MGAT4A: variants seen among roughly 807,000 people sequenced by gnomAD.
The protein encoded by MGAT4A is alpha-1,3-mannosyl-glycoprotein 4-beta-N-acetylglucosaminyltransferase A.
Under a neutral mutation model 74.1 loss-of-function variants are expected in MGAT4A, and 33 were observed. The ratio of observed to expected loss-of-function variants is 0.45; its 90% confidence interval spans 0.34 to 0.60. The LOEUF (loss-of-function observed/expected upper bound fraction) is 0.60, where lower values mean the gene tolerates loss of function less well. MGAT4A is among the 20% of genes least tolerant of loss of function. The pLI, the probability that MGAT4A is intolerant of heterozygous loss-of-function variation, is 0.02. For synonymous variants in MGAT4A, 198 were observed against 210.4 expected (o/e 0.94, Z 0.51); for missense variants, 479 against 628.3 (o/e 0.76, Z 2.54).
At chr2:98,670,774 G>A (rs1375814898) in intron 4 of MGAT4A, among the ~76,000 whole-genome samples, 1 of 151,912 alleles carries the variant, frequency 6.6e-6, no homozygotes, top group Non-Finnish European at 1.5e-5. Context: ...GAAATTAACT[G>A]CTGGAAAACC....
intron 14 of MGAT4A, among the ~76,000 whole-genome samples, chr2:98,628,415 G>T (rs1701177534): frequency 6.6e-6 from 1 of 152,094 alleles, no homozygotes; most frequent in Admixed American, 6.5e-5. Flanking sequence ...CATTACTTTG[G>T]CTGCTGCTAT....
chr2:98,645,895 GA>G (rs749491680), intron 8 of MGAT4A, among the ~76,000 whole-genome samples: 1 of 151,938 alleles, frequency 6.6e-6, no homozygotes, highest in African/African-American at 2.4e-5. Context: ...GAGGGAGGGG[GA>G]AAAAGAGAAG....
In MGAT4A at chr2:98,658,206, A is replaced by G; in HGVS notation, c.584+12T>C. The G allele has an allele frequency of 2.6e-6, 4 of 1,536,224 alleles. No homozygotes were observed. Among genetic ancestry groups the G allele is most frequent in the Middle Eastern group, 1.7e-4 (1 of 5,914 alleles). On this transcript the variant is annotated intron_variant, in intron 6 of 15. Transcript: ENST00000393487. ...CAAAATATTTGTATGTTTATAATTA[A>G]GAAGAACTTACTCTTTCTCCAGGTT...
intron 2 of MGAT4A, among the ~76,000 whole-genome samples, chr2:98,718,172 T>G (rs1702616981): frequency 6.6e-6 from 1 of 150,582 alleles, no homozygotes; most frequent in Admixed American, 6.6e-5. Context: ...TTTCAACATC[T>G]GAAATCAAGG....
At chr2:98,638,752 T>C (rs534696342) in intron 12 of MGAT4A, among the ~76,000 whole-genome samples, 1 of 152,232 alleles carries the variant, frequency 6.6e-6, no homozygotes, top group South Asian at 2.1e-4. Flanking sequence ...TTGGAATCAG[T>C]TTAGAGTAAC....
In MGAT4A at chr2:98,623,224, G is replaced by A. The variant is rs189887969; in HGVS notation, c.*2342C>T. The A allele has an allele frequency of 5.6e-5, 55 of 985,400 alleles. No individual in the cohort carries two copies. The East Asian group carries it at 3.9e-3, about 69-fold the overall frequency. The allele number at this position is 985,400 out of a possible 1,614,324, so 61.0% of individuals were successfully genotyped here. A position where few individuals can be genotyped will look rare whatever the true frequency, so the allele number is the denominator to read the frequency against. On this transcript the variant is annotated 3_prime_UTR_variant, in exon 16 of 16. Coordinates refer to ENST00000393487, the MANE Select transcript of MGAT4A (RefSeq NM_012214.3). ...TCTTGGGAACAAGAATGAGTTTCTTGGGAACAACAGGTGGACCAATGCTGG... is the reference window on the plus strand; with the variant it reads ...TCTTGGGAACAAGAATGAGTTTCTTAGGAACAACAGGTGGACCAATGCTGG...
chr2:98,678,858 A>G (rs890435131), intron 2 of MGAT4A, among the ~76,000 whole-genome samples: 4 of 151,882 alleles, frequency 2.6e-5, no homozygotes, highest in African/African-American at 9.7e-5. Context: ...CCAGATAGAG[A>G]GATGAGGCAA....
chr2:98,625,456 C>T lies in MGAT4A; in HGVS notation c.*110G>A, dbSNP rs768629725. The stretch of plus-strand genomic sequence containing the variant: ...GTGGAAATGACAATCGTCTTATCTA[C>T]AGTAGACTTCACAAGAGGTAGTGTT... On this transcript the variant is annotated 3_prime_UTR_variant, in exon 16 of 16. Transcript: ENST00000393487. The T allele has an allele frequency of 9.1e-5, 140 of 1,537,812 alleles. No homozygotes were observed. Among genetic ancestry groups the T allele is most frequent in the Non-Finnish European group, 1.2e-4 (133 of 1,149,578 alleles).
At chr2:98,643,051 C>G (rs1399264323) in intron 10 of MGAT4A, among the ~76,000 whole-genome samples, 1 of 152,082 alleles carries the variant, frequency 6.6e-6, no homozygotes, top group African/African-American at 2.4e-5. Context: ...CATTACACAT[C>G]AAAATGGACA....
At chr2:98,718,373 A>G (rs998563063) in intron 2 of MGAT4A, among the ~76,000 whole-genome samples, 1 of 152,264 alleles carries the variant, frequency 6.6e-6, no homozygotes, top group African/African-American at 2.4e-5. Flanking sequence ...TCCCCTGTGA[A>G]GTGAAACTAG....
Position 98,645,409 on chromosome 2 carries a change from A to C in MGAT4A, c.889+19T>G. 1 of 1,481,798 alleles carries C rather than the reference A, an allele frequency of 6.7e-7. No individual in the cohort carries two copies. Among genetic ancestry groups the C allele is most frequent in the Non-Finnish European group, 9.1e-7 (1 of 1,099,198 alleles). The allele number at this position is 1,481,798 out of a possible 1,614,324, so 91.8% of individuals were successfully genotyped here. On this transcript the variant is annotated intron_variant, in intron 9 of 15. Transcript: ENST00000393487. ...CACAGTTATTTATGAAAAGTAGGTA[A>C]GTGTGACACTTTTCTTACCAATGAA...
chr2:98,680,662 C>T (rs1702046514), intron 2 of MGAT4A, among the ~76,000 whole-genome samples: 1 of 152,202 alleles, frequency 6.6e-6, no homozygotes, highest in Admixed American at 6.5e-5. Context: ...GGCATACCGG[C>T]AGCTCCAGGG....
chr2:98,660,064 T>A (rs1701719703), intron 5 of MGAT4A, among the ~76,000 whole-genome samples: 1 of 152,150 alleles, frequency 6.6e-6, no homozygotes, highest in South Asian at 2.1e-4. Flanking sequence ...TATACAAACA[T>A]CGGTAGCATT....
At chr2:98,639,247 T>C (rs1460374079) in intron 12 of MGAT4A, among the ~76,000 whole-genome samples, 3 of 151,894 alleles carry the variant, frequency 2.0e-5, no homozygotes, top group Non-Finnish European at 2.9e-5. Flanking sequence ...CATTGCACCA[T>C]TGCACTCCAG....
rs766327300 is a variant in MGAT4A at position 98,625,683 on chromosome 2, G to A, written c.1581+40C>T. 5.7e-6 allele frequency: 9 copies of A among 1,567,604 alleles called. No individual in the cohort carries two copies. In the South Asian group the frequency reaches 6.9e-5, roughly 12 times the overall value. On this transcript the variant is annotated intron_variant, in intron 15 of 15. Transcript: ENST00000393487. The stretch of plus-strand genomic sequence containing the variant: ...TACAAAATAAAAACATAATAAAAAT[G>A]TAGTTTCTAAGTTGTTTCACTGATT...
At position 98,658,414 on chromosome 2, in the gene MGAT4A, T is replaced by C. The variant is rs1701692401; in HGVS notation, c.538-150A>G. 2.3e-5 allele frequency: 13 copies of C among 556,932 alleles called. No homozygotes were observed. The South Asian group carries it at 3.4e-4, about 15-fold the overall frequency. The allele number at this position is 556,932 out of a possible 1,614,324, so 34.5% of individuals were successfully genotyped here. A position where few individuals can be genotyped will look rare whatever the true frequency, so the allele number is the denominator to read the frequency against. The stretch of plus-strand genomic sequence containing the variant: ...AATTTATTAAATTTGCATTTCTGTA[T>C]TGTTCTATTGTACTACTGAATGTCA... On this transcript the variant is annotated intron_variant, in intron 5 of 15. Transcript: ENST00000393487.
rs1156436351 is a variant in MGAT4A at position 98,645,474 on chromosome 2, A to T, written c.843T>A (p.Ser281=). ...ACTCTAGAATCATCCATTCCTCAGA[A>T]GAAAGTTGAAGTGCAAAATTTTTTA... The part of the protein sequence containing the change: ...NTIKNFALQL[S]SEEWMILEFS... The change falls in exon 9 of 16, where the codon TCT becomes TCA. Residue 281 remains serine (S), a synonymous_variant. Coordinates refer to ENST00000393487, the MANE Select transcript of MGAT4A (RefSeq NM_012214.3). 1.3e-6 allele frequency: 2 copies of T among 1,594,010 alleles called. No individual in the cohort carries two copies. Among genetic ancestry groups the T allele is most frequent in the Admixed American group, 3.8e-5 (2 of 53,132 alleles).
At position 98,678,243 on chromosome 2, in the gene MGAT4A, A is replaced by ATAT. The variant is rs1425233300; in HGVS notation, c.262+60_262+61insATA. 5.9e-4 allele frequency: 220 copies of ATAT among 372,448 alleles called. 1 individual carries two copies. The highest frequency in any genetic ancestry group is 5.5e-3 in the African/African-American group (211 of 38,060). The allele number at this position is 372,448 out of a possible 1,614,324, so 23.1% of individuals were successfully genotyped here. On this transcript the variant is annotated intron_variant, in intron 3 of 15. Transcript: ENST00000393487. The stretch of plus-strand genomic sequence containing the variant: ...AGACTCTGTCTCAAAGAAAAAAAAA[A>ATAT]AAAAAAATATATATATATATATATA...
chr2:98,696,405 A>C (rs1464696433), intron 2 of MGAT4A, among the ~76,000 whole-genome samples: 2 of 152,152 alleles, frequency 1.3e-5, no homozygotes, highest in Non-Finnish European at 2.9e-5. Flanking sequence ...CAGTTTTCCT[A>C]TTCACTCTTC....
Sources: gnomAD v4.1 joint callset for allele counts (sites outside exome capture counted in the v4.1 genomes callset) on GRCh38, gnomAD v4.1.1 for gene constraint, MANE v1.5 for transcripts, NCBI Gene and HGNC (gene_info 2026-07-23, HGNC 2026-07-21) for gene names.